Variants in NAA25 observed in about 807,000 individuals in gnomAD.
NAA25 encodes N-alpha-acetyltransferase 25, NatB auxiliary subunit, also known as N-terminal acetyltransferase B complex subunit NAA25.
A neutral mutation model predicts 132.5 loss-of-function variants in NAA25; 30 were observed. The ratio of observed to expected loss-of-function variants is 0.23; its 90% confidence interval spans 0.17 to 0.31. The LOEUF is 0.31. NAA25 is among the 10% of genes least tolerant of loss of function. NAA25 has a pLI of 1.00. For synonymous variants in NAA25, 359 were observed against 401.9 expected, an observed-to-expected ratio of 0.89 and a Z score of 1.28; for missense variants, 771 against 1,150.4, an observed-to-expected ratio of 0.67 and a Z score of 4.77.
chr12:112,071,826 C>CGGTTGTCGCCG, intron 10 of NAA25, 69 bp downstream of exon 10: 1 of 1,247,882 alleles, frequency 8.0e-7, no homozygotes, highest in Non-Finnish European at 1.1e-6. Flanking sequence ...GTGTAGATCT[C>CGGTTGTCGCCG]AACTAATGAA....
chr12:112,038,339 T>C (rs2078254472), intron 22 of NAA25, among the ~76,000 whole-genome samples: 1 of 152,134 alleles, frequency 6.6e-6, no homozygotes, highest in Non-Finnish European at 1.5e-5. Context: ...TTAGATAATA[T>C]CATTGTATCA....
chr12:112,105,913 T>C (rs952287128), intron 1 of NAA25, among the ~76,000 whole-genome samples: 1 of 152,206 alleles, frequency 6.6e-6, no homozygotes, highest in Non-Finnish European at 1.5e-5. Flanking sequence ...TTAATGCTGA[T>C]AGTTGTTGAA....
rs1415151169 is a variant in NAA25, at chr12:112,048,178, CT to C, written c.1880+113del. On this transcript the variant is annotated intron_variant, in intron 16 of 23. Coordinates refer to ENST00000261745, the MANE Select transcript of NAA25 (RefSeq NM_024953.4). ...TTCTGTTTCCCCACTGTCTCTCTCC[CT>C]TTTTTCCCCCTATTTTACCTTAAGC... The C allele has an allele frequency of 9.6e-5, 98 of 1,020,864 alleles. 1 individual carries two copies. In the Middle Eastern group the frequency reaches 2.0e-3, roughly 21 times the overall value. The allele number at this position is 1,020,864 out of a possible 1,614,324, so 63.2% of individuals were successfully genotyped here. A position where few individuals can be genotyped will look rare whatever the true frequency, so the allele number is the denominator to read the frequency against.
At position 112,027,162 on chromosome 12, in the gene NAA25, A is replaced by G. The variant is rs1197835245; in HGVS notation, c.*2369T>C. ...TGATTTTTCTCCTTTCCTTTTTTAAATATCAGTTTACCACACAAAAACAAA... is the reference window on the plus strand; with the variant it reads ...TGATTTTTCTCCTTTCCTTTTTTAAGTATCAGTTTACCACACAAAAACAAA... On this transcript the variant is annotated 3_prime_UTR_variant, in exon 24 of 24. Coordinates refer to ENST00000261745, the MANE Select transcript of NAA25 (RefSeq NM_024953.4). 6.6e-6 allele frequency: 1 copy of G among 152,526 alleles called. No homozygotes were observed. The highest frequency in any genetic ancestry group is 6.6e-5 in the Admixed American group (1 of 15,266). The allele number at this position is 152,526 out of a possible 1,614,324, so 9.4% of individuals were successfully genotyped here.
intron 13 of NAA25, among the ~76,000 whole-genome samples, chr12:112,054,834 T>C (rs1477337385): frequency 1.3e-5 from 2 of 152,162 alleles, no homozygotes; most frequent in Non-Finnish European, 2.9e-5. Context: ...GGGGATGTTA[T>C]AGAATCTCAC....
chr12:112,045,910 A>G (rs919097596), intron 17 of NAA25, among the ~76,000 whole-genome samples: 1 of 152,254 alleles, frequency 6.6e-6, no homozygotes, highest in Admixed American at 6.5e-5. Context: ...AATAGTATGT[A>G]TGCAACTTAA....
chr12:112,068,918 C>A lies in NAA25; in HGVS notation c.1111G>T (p.Val371Leu). Residue 371 changes from valine to leucine, a missense_variant, in exon 11 of 24, where the codon GTG becomes TTG. Physicochemically the swap from Val to Leu is conservative, Grantham distance 32. Coordinates refer to ENST00000261745, the MANE Select transcript of NAA25 (RefSeq NM_024953.4). ...GTAGCAGGTAAGAGGTCAACAAACACCTTAAGGTCTGTAAAACAACAAGGT... is the reference window on the plus strand; with the variant it reads ...GTAGCAGGTAAGAGGTCAACAAACAACTTAAGGTCTGTAAAACAACAAGGT... The part of the protein sequence containing the change: ...DKPCCFTDLK[V>L]FVDLLPATQC... The A allele has an allele frequency of 6.2e-7, 1 of 1,613,434 alleles. No individual in the cohort carries two copies. The highest frequency in any genetic ancestry group is 8.5e-7 in the Non-Finnish European group (1 of 1,179,546).
chr12:112,081,194 C>T, intron 4 of NAA25, 60 bp from the exon 5 acceptor site: 1 of 1,395,942 alleles, frequency 7.2e-7, no homozygotes. Context: ...GATTAATGAT[C>T]TAGATACACG....
chr12:112,065,692 GA>G (rs2078707440), intron 11 of NAA25: 1 of 151,872 alleles, frequency 6.6e-6, no homozygotes, highest in Non-Finnish European at 1.5e-5. Context: ...TAAAAAACTA[GA>G]ATCATTTTAT....
intron 16 of NAA25, 112 bp from the exon 17 acceptor site, chr12:112,047,902 CATA>C (rs1285799444): frequency 5.3e-6 from 6 of 1,136,040 alleles, no homozygotes; most frequent in Middle Eastern, 2.4e-4. Flanking sequence ...AGGAAGGGCT[CATA>C]ATAAGGTGAA....
Position 112,108,728 on chromosome 12 carries a change from G to A in NAA25, c.46C>T (p.Arg16Trp). 1.3e-6 allele frequency: 2 copies of A among 1,528,552 alleles called. No individual in the cohort carries two copies. The highest frequency in any genetic ancestry group is 1.8e-6 in the Non-Finnish European group (2 of 1,135,534). The allele number at this position is 1,528,552 out of a possible 1,614,324, so 94.7% of individuals were successfully genotyped here. Residue 16 changes from arginine (R) to tryptophan (W), a missense_variant, in exon 1 of 24, where the codon CGG (arginine) becomes TGG (tryptophan). By Grantham distance (101) the Arg-to-Trp change is moderately radical. This residue lies in a region of NAA25 where 417 missense variants were observed against 733.8 expected (regional missense o/e 0.57). Transcript: ENST00000261745. ...CCAAGACACTCACCGTAAATGGGCC[G>A]GAGGCGCCTGTCGTTAGGGTCCTGC... is the stretch of plus-strand genomic sequence containing the variant. ...HVQDPNDRRL[R>W]PIYDYLDNGN...
chr12:112,077,967 G>GTA (rs1030171930), intron 7 of NAA25, among the ~76,000 whole-genome samples: 18 of 151,840 alleles, frequency 1.2e-4, no homozygotes, highest in African/African-American at 4.4e-4. Context: ...GAGATCTGGA[G>GTA]TATAACCTTT....
chr12:112,085,790 C>T (rs1426961541), intron 4 of NAA25, among the ~76,000 whole-genome samples: 4 of 150,074 alleles, frequency 2.7e-5, no homozygotes, highest in Non-Finnish European at 4.4e-5. Context: ...GAGGCAGAGG[C>T]GAGCGGATCA....
Position 112,043,176 on chromosome 12 carries a change from A to G in NAA25, c.2286T>C (p.Gly762=), listed in dbSNP as rs1411878046. Residue 762 remains glycine, a synonymous_variant, in exon 19 of 24, where the codon GGT becomes GGC. Transcript: ENST00000261745. ...PFLGPVPTRM[G]GFFNSGCSQC... is the part of the protein sequence containing the mutation. ...GAGAACAGCCAGAATTAAAGAATCC[A>G]CCCATTCTGGTAGGTACAGGACCAA... 6.2e-7 allele frequency: 1 copy of G among 1,613,132 alleles called. No homozygotes were observed. The highest frequency in any genetic ancestry group is 8.5e-7 in the Non-Finnish European group (1 of 1,179,506).
chr12:112,084,940 T>C (rs935806091), intron 4 of NAA25, among the ~76,000 whole-genome samples: 1 of 149,002 alleles, frequency 6.7e-6, no homozygotes, highest in Admixed American at 6.7e-5. Context: ...CTATTAAAAA[T>C]ACAAAAATTA....
At chr12:112,071,233 C>A (rs1440481042) in intron 10 of NAA25, among the ~76,000 whole-genome samples, 2 of 152,196 alleles carry the variant, frequency 1.3e-5, no homozygotes, top group Non-Finnish European at 2.9e-5. Context: ...GTTGGCCAGG[C>A]TGGTCTTGAA....
chr12:112,075,106 G>A (rs2078877222), intron 8 of NAA25, among the ~76,000 whole-genome samples: 1 of 152,020 alleles, frequency 6.6e-6, no homozygotes, highest in African/African-American at 2.4e-5. Context: ...CTCTTTTAGG[G>A]GAATACTGAA....
rs1218705085 is a variant in NAA25 at position 112,026,762 on chromosome 12, C to T, written c.*2769G>A. On this transcript the variant is annotated 3_prime_UTR_variant, in exon 24 of 24. Coordinates refer to ENST00000261745, the MANE Select transcript of NAA25 (RefSeq NM_024953.4). ...AAGTAGATTTGCTATGCTTCACTTA[C>T]TTAAGGAAGAATATATACTTCCTAT... 1 of 152,100 alleles carries T rather than the reference C, an allele frequency of 6.6e-6. No homozygotes were observed. Among genetic ancestry groups the T allele is most frequent in the Non-Finnish European group, 1.5e-5 (1 of 68,014 alleles). The allele number at this position is 152,100 out of a possible 1,614,324, so 9.4% of individuals were successfully genotyped here.
At chr12:112,047,853 C>G (rs1306590171) in intron 16 of NAA25, 63 bp from the exon 17 acceptor site, 4 of 1,474,766 alleles carry the variant, frequency 2.7e-6, no homozygotes, top group Non-Finnish European at 3.7e-6. Flanking sequence ...TATTATTAAT[C>G]AGGACTTCCT....
Sources: allele counts gnomAD v4.1 joint callset (sites outside exome capture counted in the v4.1 genomes callset), GRCh38; gene constraint gnomAD v4.1.1; regional missense constraint gnomAD v4.1.1; transcripts MANE v1.5; gene names NCBI Gene and HGNC (gene_info 2026-07-23, HGNC 2026-07-21).